Variants in SDCCAG8 observed in about 807,000 individuals in gnomAD.
SDCCAG8 encodes serologically defined colon cancer antigen 8.
In SDCCAG8, 74 loss-of-function variants were observed where a neutral mutation model predicts 101.8. That is an observed-to-expected ratio of 0.73 (90% CI 0.60 to 0.88). SDCCAG8 has a LOEUF of 0.88. Among genes scored for constraint, SDCCAG8 ranks in the 40% least tolerant of loss-of-function variants. The probability of loss-of-function intolerance (pLI) is 0.00; values close to 1 mark genes in which losing one functional copy is unlikely to be tolerated. For missense variants in SDCCAG8, 787 were observed against 822.6 expected (o/e 0.96, Z 0.53); for synonymous variants, 281 against 292.9 (o/e 0.96, Z 0.41).
In SDCCAG8 at chr1:243,426,592, A is replaced by G. The variant is rs747627691; in HGVS notation, c.1985+34A>G. On this transcript the variant is annotated intron_variant, in intron 16 of 17. Coordinates refer to ENST00000366541, the MANE Select transcript of SDCCAG8 (RefSeq NM_006642.5). ...GGTTTCATGTCAACTCATGTGCCGC[A>G]TATTGAATGTGTTTGGTTTACACAC... The G allele has an allele frequency of 5.0e-6, 8 of 1,613,662 alleles. No homozygotes were observed. In the East Asian group the frequency reaches 6.7e-5, roughly 13 times the overall value.
chr1:243,265,176 A>G (rs970455537), intron 1 of SDCCAG8, among the ~76,000 whole-genome samples: 1 of 152,214 alleles, frequency 6.6e-6, no homozygotes, highest in African/African-American at 2.4e-5. Flanking sequence ...ATAGTATATA[A>G]TTATGCTGGT....
chr1:243,368,857 G>C (rs2077134002), intron 12 of SDCCAG8, among the ~76,000 whole-genome samples: 1 of 152,058 alleles, frequency 6.6e-6, no homozygotes, highest in African/African-American at 2.4e-5. Context: ...GTGTAGTAAG[G>C]TATAACGGGT....
chr1:243,436,134 A>G (rs913221004), intron 16 of SDCCAG8, among the ~76,000 whole-genome samples: 10 of 150,390 alleles, frequency 6.6e-5, no homozygotes, highest in Middle Eastern at 3.5e-3. Context: ...ACCATTGAAC[A>G]TGCTCTGTAT....
intron 6 of SDCCAG8, among the ~76,000 whole-genome samples, chr1:243,299,688 A>G (rs1471063710): frequency 6.6e-6 from 1 of 152,130 alleles, no homozygotes; most frequent in East Asian, 1.9e-4. Context: ...TGCTGGGATT[A>G]CAGGCATGAG....
At chr1:243,456,473 A>AG (rs2083763987) in intron 16 of SDCCAG8, among the ~76,000 whole-genome samples, 2 of 152,358 alleles carry the variant, frequency 1.3e-5, no homozygotes, top group Admixed American at 6.5e-5. Context: ...TTTTTAAAAA[A>AG]TGCATGCCTC....
intron 16 of SDCCAG8, among the ~76,000 whole-genome samples, chr1:243,487,503 C>T (rs1306326429): frequency 6.6e-6 from 1 of 152,224 alleles, no homozygotes; most frequent in Non-Finnish European, 1.5e-5. Context: ...ATCACACACA[C>T]AGGGAAACAC....
intron 16 of SDCCAG8, among the ~76,000 whole-genome samples, chr1:243,462,352 A>C (rs2148162436): frequency 6.6e-6 from 1 of 152,314 alleles, no homozygotes; most frequent in Admixed American, 6.5e-5. Context: ...ATGATAGCAA[A>C]AGTCATCTCG....
intron 8 of SDCCAG8, among the ~76,000 whole-genome samples, chr1:243,313,355 A>G (rs2072935170): frequency 6.6e-6 from 1 of 152,224 alleles, no homozygotes; most frequent in East Asian, 1.9e-4. Flanking sequence ...GGTGGAGCTC[A>G]TGCATATACA....
intron 13 of SDCCAG8, among the ~76,000 whole-genome samples, chr1:243,385,424 C>T (rs187054881): frequency 1.9e-3 from 283 of 152,100 alleles, no homozygotes; most frequent in Non-Finnish European, 3.4e-3. Flanking sequence ...AAAGAACATA[C>T]ACATGTAGTC....
chr1:243,366,808 A>G (rs2077012599), intron 12 of SDCCAG8, among the ~76,000 whole-genome samples: 1 of 152,060 alleles, frequency 6.6e-6, no homozygotes, highest in Non-Finnish European at 1.5e-5. Flanking sequence ...TTATTCATAT[A>G]TAGTGTGTAT....
Position 243,366,016 on chromosome 1 carries a change from G to A in SDCCAG8, c.1474-12705G>A, listed in dbSNP as rs79741355. ...TTTATTTAATTTAGGATTATGAATG[G>A]CATCCTTGTTGGTTTTTAAGTATTT... On this transcript the variant is annotated intron_variant, in intron 12 of 17. Coordinates refer to ENST00000366541, the MANE Select transcript of SDCCAG8 (RefSeq NM_006642.5). Among the ~76,000 whole-genome samples the A allele has an allele frequency of 2.6e-3, 399 of 152,006 alleles. 1 individual carries two copies. Among genetic ancestry groups the A allele is most frequent in the Non-Finnish European group, 4.9e-3 (330 of 67,902 alleles).
chr1:243,267,911 A>G (rs2067761213), intron 1 of SDCCAG8: 1 of 969,450 alleles, frequency 1.0e-6, no homozygotes, highest in African/African-American at 1.6e-5. Flanking sequence ...GGTATCAACG[A>G]GGATGTGGTA....
chr1:243,380,492 A>T (rs1188092497), intron 13 of SDCCAG8, among the ~76,000 whole-genome samples: 1 of 152,152 alleles, frequency 6.6e-6, no homozygotes, highest in Non-Finnish European at 1.5e-5. Flanking sequence ...ATTCTGTCTT[A>T]TTCAGAGAGT....
rs117872118 is a variant in SDCCAG8, at chr1:243,359,585, C to T, written c.1473+15254C>T. On this transcript the variant is annotated intron_variant, in intron 12 of 17. Coordinates refer to ENST00000366541, the MANE Select transcript of SDCCAG8 (RefSeq NM_006642.5). ...TCTGTGTGTACCTGGAGGGCACAAG[C>T]GGGTGCAACAGATGAGGAAGGAAAG... Among the ~76,000 whole-genome samples, 425 of 152,190 alleles carry T rather than the reference C, an allele frequency of 2.8e-3. 16 individuals are homozygous for T. In the East Asian group the frequency reaches 0.075, roughly 27 times the overall value.
Position 243,306,102 on chromosome 1 carries a change from A to C in SDCCAG8, c.740+1325A>C, listed in dbSNP as rs2072094992. The C allele has an allele frequency of 2.0e-5, 3 of 153,504 alleles. No individual in the cohort carries two copies. In the South Asian group the frequency reaches 6.2e-4, roughly 32 times the overall value. The allele number at this position is 153,504 out of a possible 1,614,324, so 9.5% of individuals were successfully genotyped here. A position where few individuals can be genotyped will look rare whatever the true frequency, so the allele number is the denominator to read the frequency against. On this transcript the variant is annotated intron_variant, in intron 7 of 17. Transcript: ENST00000366541. ...CTCCATCTAAAAAAAAAAAAAAAAA[A>C]AAAAACCGAGCTGGAACTCATAGCT...
intron 16 of SDCCAG8, among the ~76,000 whole-genome samples, chr1:243,442,395 TAAG>T (rs1349461545): frequency 2.0e-5 from 3 of 152,114 alleles, no homozygotes; most frequent in Non-Finnish European, 2.9e-5. Flanking sequence ...CTCTGGATTA[TAAG>T]AAGGAGACAT....
chr1:243,392,137 C>T (rs984060485), intron 13 of SDCCAG8, among the ~76,000 whole-genome samples: 12 of 152,210 alleles, frequency 7.9e-5, no homozygotes, highest in Admixed American at 2.0e-4. Flanking sequence ...CATTTTAACT[C>T]ATTCAGCGTT....
chr1:243,403,199 A>G (rs1031988662), intron 13 of SDCCAG8, among the ~76,000 whole-genome samples: 3 of 152,136 alleles, frequency 2.0e-5, no homozygotes, highest in African/African-American at 7.2e-5. Context: ...TTAGATTGAG[A>G]TGAGGTTCCG....
intron 17 of SDCCAG8, among the ~76,000 whole-genome samples, chr1:243,493,532 G>A (rs949640183): frequency 2.6e-5 from 4 of 152,132 alleles, no homozygotes; most frequent in East Asian, 2.0e-4. Context: ...TCTGGTAGCC[G>A]TCGTATCCTG....
Sources: allele counts gnomAD v4.1 joint callset (sites outside exome capture counted in the v4.1 genomes callset), GRCh38; gene constraint gnomAD v4.1.1; transcripts MANE v1.5; gene names NCBI Gene and HGNC (gene_info 2026-07-23, HGNC 2026-07-21).